Variants in PCNX1 observed in about 807,000 individuals in gnomAD.
PCNX1 encodes pecanex-like protein 1.
Under a neutral mutation model 242.2 loss-of-function variants are expected in PCNX1, and 78 were observed. The observed-to-expected ratio is 0.32, with a 90% CI of 0.27 to 0.39. The LOEUF (loss-of-function observed/expected upper bound fraction) is 0.39, where lower values mean the gene tolerates loss of function less well. Ranked by LOEUF, PCNX1 falls within the 10% of genes least tolerant of loss-of-function variation. PCNX1 has a pLI of 1.00. For missense variants in PCNX1, 2,581 were observed against 2,856.5 expected (o/e 0.90, Z 2.20); for synonymous variants, 1,024 against 1,032.9 (o/e 0.99, Z 0.17).
chr14:71,054,314 G>A (rs1319849345), intron 24 of PCNX1, among the ~76,000 whole-genome samples: 1 of 152,014 alleles, frequency 6.6e-6, no homozygotes, highest in Non-Finnish European at 1.5e-5. Context: ...TTGGTCATTT[G>A]GAAAATACTG....
At chr14:71,042,608 A>T (rs537005775) in intron 19 of PCNX1, among the ~76,000 whole-genome samples, 210 of 146,186 alleles carry the variant, frequency 1.4e-3, no homozygotes, top group Middle Eastern at 3.4e-3. Context: ...GGCTGTTTTT[A>T]AAAAAAAAAA....
At chr14:70,993,787 C>T (rs967398609) in intron 7 of PCNX1, among the ~76,000 whole-genome samples, 6 of 152,252 alleles carry the variant, frequency 3.9e-5, no homozygotes, top group Admixed American at 2.0e-4. Flanking sequence ...TGAACTACTA[C>T]TTAAACATTT....
intron 16 of PCNX1, chr14:71,031,711 TTGG>T (rs2060389234): frequency 1.1e-6 from 1 of 936,474 alleles, no homozygotes; most frequent in Admixed American, 1.8e-5. Context: ...TAAGTGGCCT[TTGG>T]CCTTGAACTC....
Position 70,908,120 on chromosome 14 carries a change from C to T in PCNX1, c.153+117C>T, listed in dbSNP as rs945156172. The T allele has an allele frequency of 9.7e-6, 9 of 924,370 alleles. No homozygotes were observed. The East Asian group carries it at 2.0e-4, about 20-fold the overall frequency. The allele number at this position is 924,370 out of a possible 1,614,324, so 57.3% of individuals were successfully genotyped here. ...CGTCCCCCGGGGGCCGCCACCCTCT[C>T]GGTGTGAGGCTCCCCGCCCCCACTG... On this transcript the variant is annotated intron_variant, in intron 1 of 35. Transcript: ENST00000304743.
intron 12 of PCNX1, among the ~76,000 whole-genome samples, chr14:71,021,069 G>A (rs1057159157): frequency 6.6e-6 from 1 of 152,168 alleles, no homozygotes; most frequent in East Asian, 1.9e-4. Context: ...TCAGGTGGTT[G>A]TAGATGTGTG....
In PCNX1 at chr14:71,050,664, C is replaced by G. The variant is rs749771032; in HGVS notation, c.4351C>G (p.Leu1451Val). ...TTTCCTCCTGCAGCTTTGGGAACTA[C>G]TTTATAAATTGCAGTTTGTGTATAC... ...SILFNKLWEL[L>V]YKLQFVYTYI... The change falls in exon 23 of 36, where the codon CTT becomes GTT. Residue 1451 changes from leucine to valine, a missense_variant. Physicochemically the swap from Leu to Val is conservative, Grantham distance 32. This residue lies in a region of PCNX1 where 99 missense variants were observed against 147.3 expected (regional missense o/e 0.67). Coordinates refer to ENST00000304743, the MANE Select transcript of PCNX1 (RefSeq NM_014982.3). The G allele has an allele frequency of 6.2e-7, 1 of 1,600,336 alleles. No individual in the cohort carries two copies. Among genetic ancestry groups the G allele is most frequent in the Non-Finnish European group, 8.5e-7 (1 of 1,173,484 alleles).
intron 17 of PCNX1, 40 bp from the exon 18 acceptor site, chr14:71,033,891 A>G (rs919161394): frequency 1.9e-6 from 2 of 1,051,050 alleles, no homozygotes; most frequent in Non-Finnish European, 2.9e-6. Context: ...TGGTTTTCAG[A>G]TTATCTATGT....
chr14:71,100,416 G>T (rs1438112855), intron 30 of PCNX1, among the ~76,000 whole-genome samples: 2 of 152,100 alleles, frequency 1.3e-5, no homozygotes, highest in East Asian at 3.8e-4. Context: ...CTGAAAACAG[G>T]CCCCAATCCC....
chr14:70,989,530 A>G (rs1004317807), intron 7 of PCNX1, among the ~76,000 whole-genome samples: 1 of 141,580 alleles, frequency 7.1e-6, no homozygotes, highest in South Asian at 2.2e-4. Flanking sequence ...AAAAACAGAT[A>G]TAAATTTTTT....
chr14:71,045,036 G>T, intron 19 of PCNX1, 97 bp from the exon 20 acceptor site: 2 of 785,438 alleles, frequency 2.5e-6, no homozygotes, highest in Admixed American at 5.3e-5. Context: ...AATGGACGTT[G>T]TCCATTATCA....
At chr14:71,094,606 G>A (rs888742567) in intron 30 of PCNX1, among the ~76,000 whole-genome samples, 1 of 151,328 alleles carries the variant, frequency 6.6e-6, no homozygotes, top group African/African-American at 2.4e-5. Context: ...CCAACCTTAT[G>A]GATTACATGT....
chr14:71,036,227 G>GTA, intron 19 of PCNX1, 70 bp downstream of exon 19: 1 of 972,554 alleles, frequency 1.0e-6, no homozygotes, highest in Non-Finnish European at 1.7e-6. Context: ...CACCCAGGCT[G>GTA]GAGTGCAGTG....
chr14:70,974,384 C>T lies in PCNX1; in HGVS notation c.605-2558C>T, dbSNP rs563428668. 8.5e-4 allele frequency among the ~76,000 whole-genome samples: 129 copies of T among 151,954 alleles called. 1 individual carries two copies. The highest frequency in any genetic ancestry group is 3.3e-3 in the Admixed American group (51 of 15,244). On this transcript the variant is annotated intron_variant, in intron 5 of 35. Transcript: ENST00000304743. ...TCCTGACCTCGTGATCCACCTGCCT[C>T]GGCCTCCCAAAGTGCTGGGATTACA...
chr14:71,020,944 G>T (rs1418450701), intron 12 of PCNX1, among the ~76,000 whole-genome samples: 1 of 152,158 alleles, frequency 6.6e-6, no homozygotes, highest in Admixed American at 6.5e-5. Flanking sequence ...TGTATAAGGT[G>T]TAAGGAAGGG....
rs188827227 is a variant in PCNX1 at position 70,985,804 on chromosome 14, G to T, written c.2312-2763G>T. ...TATTGAATTAATTTCATTCTTCTTT[G>T]CCAGAGATACTGGGTTTTAAGCAGT... On this transcript the variant is annotated intron_variant, in intron 6 of 35. Transcript: ENST00000304743. 2.4e-4 allele frequency among the ~76,000 whole-genome samples: 37 copies of T among 152,002 alleles called. 1 individual carries two copies. The highest frequency in any genetic ancestry group is 5.9e-4 in the Admixed American group (9 of 15,248).
intron 5 of PCNX1, among the ~76,000 whole-genome samples, chr14:70,970,361 TTCTC>T (rs1566637506): frequency 2.6e-5 from 4 of 151,972 alleles, no homozygotes; most frequent in South Asian, 4.2e-4. Flanking sequence ...GGGAGACCCT[TTCTC>T]TCTCTCTCAG....
chr14:71,054,076 G>C (rs2061115827), intron 24 of PCNX1, among the ~76,000 whole-genome samples: 1 of 152,138 alleles, frequency 6.6e-6, no homozygotes, highest in South Asian at 2.1e-4. Context: ...GAGCCACCTT[G>C]CCCAGGCAAA....
At chr14:70,970,105 A>G (rs1163969621) in intron 5 of PCNX1, 1 of 152,126 alleles carries the variant, frequency 6.6e-6, no homozygotes, top group Non-Finnish European at 1.5e-5. Context: ...GATGCCTGTA[A>G]CCCCAGCATT....
chr14:70,995,463 G>A (rs1270689542), intron 7 of PCNX1, among the ~76,000 whole-genome samples: 1 of 152,044 alleles, frequency 6.6e-6, no homozygotes, highest in Non-Finnish European at 1.5e-5. Flanking sequence ...CCTCACACTA[G>A]AATTTAGTTG....
Sources: gnomAD v4.1 joint callset for allele counts (sites outside exome capture counted in the v4.1 genomes callset) on GRCh38, gnomAD v4.1.1 for gene constraint, gnomAD v4.1.1 regional missense constraint, MANE v1.5 for transcripts, NCBI Gene and HGNC (gene_info 2026-07-23, HGNC 2026-07-21) for gene names.